TRMT10B: variants seen among roughly 807,000 people sequenced by gnomAD.
TRMT10B encodes tRNA methyltransferase 10B, also known as tRNA methyltransferase 10 homolog B.
TRMT10B carries 33 observed loss-of-function variants against 43.8 expected under a neutral mutation model. The ratio of observed to expected loss-of-function variants is 0.75; its 90% CI spans 0.57 to 1.01. The LOEUF (loss-of-function observed/expected upper bound fraction) is 1.01, where lower values mean the gene tolerates loss of function less well. Among genes scored for constraint, TRMT10B ranks in the 50% least tolerant of loss-of-function variants. The probability of loss-of-function intolerance (pLI) is 0.00; values close to 1 mark genes in which losing one functional copy is unlikely to be tolerated. For synonymous variants in TRMT10B, 137 were observed against 130.6 expected (o/e 1.05, Z -0.34); for missense variants, 362 against 369.8 (o/e 0.98, Z 0.17).
At chr9:37,773,271 C>T (rs1827780984) in intron 7 of TRMT10B, among the ~76,000 whole-genome samples, 1 of 131,596 alleles carries the variant, frequency 7.6e-6, no homozygotes, top group Non-Finnish European at 1.7e-5. Flanking sequence ...CCATGGCCAG[C>T]TAATTTTTTT....
At position 37,776,392 on chromosome 9, in the gene TRMT10B, G is replaced by A. The variant is rs778265918; in HGVS notation, c.831G>A (p.Leu277=). The A allele has an allele frequency of 6.2e-7, 1 of 1,609,032 alleles. No homozygotes were observed. The highest frequency in any genetic ancestry group is 1.7e-5 in the Admixed American group (1 of 58,798). Residue 277 remains leucine (L), a synonymous_variant, in exon 8 of 9, where the codon CTG becomes CTA. Transcript: ENST00000297994. ...QNGKNYHSEI[L]AINQVFDILS... is the part of the protein sequence containing the mutation. ...GGAAAAACTATCATTCAGAGATACT[G>A]GCCATCAATCAAGGTACTTCTTACA... is the stretch of plus-strand genomic sequence containing the variant.
chr9:37,765,809 G>A (rs1027878475), intron 4 of TRMT10B, among the ~76,000 whole-genome samples: 6 of 152,090 alleles, frequency 3.9e-5, no homozygotes, highest in Non-Finnish European at 7.4e-5. Context: ...TCTCATTGTG[G>A]TTTTGATTTG....
At chr9:37,758,941 G>C (rs1263779000) in intron 1 of TRMT10B, among the ~76,000 whole-genome samples, 1 of 152,178 alleles carries the variant, frequency 6.6e-6, no homozygotes. Context: ...GGGCTGCTGA[G>C]ATTGGATACA....
intron 4 of TRMT10B, among the ~76,000 whole-genome samples, chr9:37,764,757 C>A (rs1345360738): frequency 6.6e-6 from 1 of 152,062 alleles, no homozygotes; most frequent in African/African-American, 2.4e-5. Context: ...GCTCATTCAC[C>A]TCATTGATGA....
intron 3 of TRMT10B, among the ~76,000 whole-genome samples, chr9:37,763,173 A>AAAAAAAAAC (rs1563991658): frequency 1.4e-5 from 2 of 138,552 alleles, no homozygotes; most frequent in Non-Finnish European, 3.1e-5. Context: ...AAACAAAAAA[A>AAAAAAAAAC]AAAATTTAAG....
intron 1 of TRMT10B, among the ~76,000 whole-genome samples, chr9:37,756,094 C>T (rs2118665340): frequency 6.6e-6 from 1 of 152,152 alleles, no homozygotes; most frequent in East Asian, 1.9e-4. Flanking sequence ...CCAACAGGCC[C>T]CGGCATACAG....
chr9:37,763,038 G>T (rs1487191545), intron 3 of TRMT10B, among the ~76,000 whole-genome samples: 1 of 149,940 alleles, frequency 6.7e-6, no homozygotes, highest in African/African-American at 2.5e-5. Context: ...CTATATTTGG[G>T]AGGCTGAGGC....
intron 1 of TRMT10B, among the ~76,000 whole-genome samples, chr9:37,757,611 G>A (rs1825861163): frequency 6.6e-6 from 1 of 152,102 alleles, no homozygotes; most frequent in Non-Finnish European, 1.5e-5. Context: ...TATATCTGGT[G>A]GTCACATGTT....
chr9:37,754,628 C>G (rs539163526), intron 1 of TRMT10B, among the ~76,000 whole-genome samples: 1 of 152,036 alleles, frequency 6.6e-6, no homozygotes, highest in Non-Finnish European at 1.5e-5. Context: ...AGTGGGGAAA[C>G]AGGTAGACAG....
intron 5 of TRMT10B, among the ~76,000 whole-genome samples, chr9:37,768,990 TCTC>T (rs1827264564): frequency 6.6e-6 from 1 of 152,140 alleles, no homozygotes; most frequent in South Asian, 2.1e-4. Context: ...TTTGAGTTCT[TCTC>T]CTTTTGTGTA....
intron 4 of TRMT10B, chr9:37,767,512 C>CAAAAAAAAAAAAAAAAAAAAA (rs1376563452): frequency 1.8e-4 from 11 of 60,852 alleles, no homozygotes; most frequent in South Asian, 1.2e-3. Flanking sequence ...GACCCTGTCT[C>CAAAAAAAAAAAAAAAAAAAAA]CAAAAAAAAA....
chr9:37,757,002 T>C (rs1253493475), intron 1 of TRMT10B, among the ~76,000 whole-genome samples: 4 of 137,714 alleles, frequency 2.9e-5, no homozygotes, highest in African/African-American at 8.2e-5. Context: ...GACCTATCTC[T>C]TAACTTTTTT....
chr9:37,769,776 T>G, intron 5 of TRMT10B, 165 bp from the exon 6 acceptor site: 1 of 642,832 alleles, frequency 1.6e-6, no homozygotes, highest in Non-Finnish European at 2.8e-6. Flanking sequence ...AATTTTTTTG[T>G]ATTTTTAGTA....
intron 7 of TRMT10B, among the ~76,000 whole-genome samples, chr9:37,775,193 T>C (rs1013706459): frequency 1.1e-4 from 17 of 152,208 alleles, no homozygotes; most frequent in Admixed American, 3.9e-4. Flanking sequence ...GAGCTGTCCA[T>C]TGAGTGGCCA....
Position 37,761,904 on chromosome 9 carries a change from C to G in TRMT10B, c.-28C>G, listed in dbSNP as rs1490304307. 2.5e-6 allele frequency: 4 copies of G among 1,578,528 alleles called. No individual in the cohort carries two copies. Among genetic ancestry groups the G allele is most frequent in the Non-Finnish European group, 2.6e-6 (3 of 1,157,284 alleles). On this transcript the variant is annotated splice_region_variant and 5_prime_UTR_variant, in exon 2 of 9. Coordinates refer to ENST00000297994, the MANE Select transcript of TRMT10B (RefSeq NM_144964.4). ...TCACATAATTGTGCCTTTTTCCAGT[C>G]TGGTGGAAAGGACAGAGGACTAAGT...
chr9:37,753,819 C>CCGCT lies in TRMT10B; in HGVS notation c.-63_-62insCGCT, dbSNP rs1563978405. 2.0e-5 allele frequency: 3 copies of CCGCT among 152,234 alleles called. No individual in the cohort carries two copies. The highest frequency in any genetic ancestry group is 7.2e-5 in the African/African-American group (3 of 41,414). The allele number at this position is 152,234 out of a possible 1,614,324, so 9.4% of individuals were successfully genotyped here. Reference sequence around the variant, plus strand: ...CCGGGGGCGGGGGGGATCCGATGCGCGCCGCTGCCGCTGCGTGGGGGTGAG... The same window carrying CCGCT: ...CCGGGGGCGGGGGGGATCCGATGCGCCGCTGCCGCTGCCGCTGCGTGGGGGTGAG... On this transcript the variant is annotated 5_prime_UTR_variant, in exon 1 of 9. The change abolishes the stop of an existing upstream ORF in the 5' untranslated region. Transcript: ENST00000297994.
At chr9:37,770,070 T>C in intron 6 of TRMT10B, 51 bp downstream of exon 6, 1 of 1,499,524 alleles carries the variant, frequency 6.7e-7, no homozygotes, top group Non-Finnish European at 9.3e-7. Flanking sequence ...CTGTGTTTCA[T>C]TATTCCCTGT....
chr9:37,777,421 G>T (rs1370226043), intron 8 of TRMT10B, among the ~76,000 whole-genome samples, 180 bp from the exon 9 acceptor site: 1 of 150,594 alleles, frequency 6.6e-6, no homozygotes, highest in Admixed American at 6.7e-5. Context: ...TATCTTTCAG[G>T]GTAGGCTGAG....
chr9:37,772,371 C>CA (rs1204876148), intron 7 of TRMT10B, among the ~76,000 whole-genome samples: 1 of 151,584 alleles, frequency 6.6e-6, no homozygotes, highest in Non-Finnish European at 1.5e-5. Flanking sequence ...AGACTAGTCT[C>CA]AAACTTCTGG....
Sources: allele counts gnomAD v4.1 joint callset (sites outside exome capture counted in the v4.1 genomes callset), GRCh38; gene constraint gnomAD v4.1.1; transcripts MANE v1.5; gene names NCBI Gene and HGNC (gene_info 2026-07-23, HGNC 2026-07-21).